The following NXPH2 variants were observed in gnomAD, a reference collection of about 807,000 sequenced individuals.
NXPH2 encodes the protein neurexophilin-2.
In NXPH2, 5 loss-of-function variants were observed where a neutral mutation model predicts 19.8. The ratio of observed to expected loss-of-function variants is 0.25; its 90% CI spans 0.13 to 0.53. The LOEUF is 0.53. Ranked by LOEUF, NXPH2 falls within the 20% of genes least tolerant of loss-of-function variation. NXPH2 has a pLI of 0.96. For synonymous variants in NXPH2, 154 were observed against 127.4 expected (o/e 1.21, Z -1.41); for missense variants, 289 against 322.8 (o/e 0.90, Z 0.80).
intron 1 of NXPH2, among the ~76,000 whole-genome samples, chr2:138,710,929 C>G (rs1011202319): frequency 1.3e-5 from 2 of 152,118 alleles, no homozygotes; most frequent in African/African-American, 4.8e-5. Context: ...GGCCACTCAG[C>G]ATCTGTGCTA....
At chr2:138,751,035 C>A (rs1236712513) in intron 1 of NXPH2, among the ~76,000 whole-genome samples, 1 of 150,190 alleles carries the variant, frequency 6.7e-6, no homozygotes, top group African/African-American at 2.5e-5. Context: ...CCCACCCCCA[C>A]CCCCATCTCT....
At chr2:138,689,736 C>T (rs867637813) in intron 1 of NXPH2, among the ~76,000 whole-genome samples, 6 of 152,144 alleles carry the variant, frequency 3.9e-5, no homozygotes, top group Non-Finnish European at 5.9e-5. Flanking sequence ...AGCGGAATAG[C>T]CCCAGTGTGT....
chr2:138,743,605 T>A (rs1204404854), intron 1 of NXPH2, among the ~76,000 whole-genome samples: 1 of 152,152 alleles, frequency 6.6e-6, no homozygotes, highest in East Asian at 1.9e-4. Context: ...TAGATAGCAG[T>A]GATGATGACA....
At chr2:138,733,695 A>G (rs997692773) in intron 1 of NXPH2, among the ~76,000 whole-genome samples, 1 of 152,214 alleles carries the variant, frequency 6.6e-6, no homozygotes, top group Non-Finnish European at 1.5e-5. Context: ...CGGCTGCATT[A>G]TAAGTACAGA....
At chr2:138,715,082 A>G (rs1348501612) in intron 1 of NXPH2, among the ~76,000 whole-genome samples, 1 of 152,170 alleles carries the variant, frequency 6.6e-6, no homozygotes, top group Non-Finnish European at 1.5e-5. Context: ...AACTCTAGGT[A>G]CTCTCATCCG....
intron 1 of NXPH2, among the ~76,000 whole-genome samples, chr2:138,738,024 G>A (rs767488666): frequency 3.4e-4 from 51 of 151,136 alleles, no homozygotes; most frequent in African/African-American, 9.0e-4. Flanking sequence ...CCATTAACTC[G>A]TCATTTAACA....
intron 1 of NXPH2, among the ~76,000 whole-genome samples, chr2:138,754,421 T>C (rs1200020392): frequency 1.3e-5 from 2 of 152,208 alleles, no homozygotes; most frequent in Non-Finnish European, 2.9e-5. Context: ...GAATGTCACA[T>C]AATTGGAATT....
At chr2:138,734,510 A>G (rs1017013980) in intron 1 of NXPH2, among the ~76,000 whole-genome samples, 4 of 152,212 alleles carry the variant, frequency 2.6e-5, no homozygotes, top group African/African-American at 9.6e-5. Flanking sequence ...AGCCAGGGAA[A>G]GCTTTAAGGA....
chr2:138,702,383 G>T (rs867381565), intron 1 of NXPH2, among the ~76,000 whole-genome samples: 1 of 152,168 alleles, frequency 6.6e-6, no homozygotes, highest in Non-Finnish European at 1.5e-5. Flanking sequence ...GCTTCCCAAA[G>T]TGCTGGGATT....
intron 1 of NXPH2, among the ~76,000 whole-genome samples, chr2:138,771,729 T>C (rs566869195): frequency 6.6e-6 from 1 of 152,204 alleles, no homozygotes; most frequent in African/African-American, 2.4e-5. Context: ...CAGTTATATC[T>C]GGGAGCTGTC....
chr2:138,678,300 C>G (rs1005135017), intron 1 of NXPH2, among the ~76,000 whole-genome samples: 7 of 152,168 alleles, frequency 4.6e-5, no homozygotes, highest in African/African-American at 1.7e-4. Context: ...ATCACTCCCT[C>G]TCAAGGGTAA....
chr2:138,715,321 T>A (rs1681176753), intron 1 of NXPH2, among the ~76,000 whole-genome samples: 1 of 152,230 alleles, frequency 6.6e-6, no homozygotes, highest in Non-Finnish European at 1.5e-5. Context: ...GTCCAGTTAT[T>A]TAGAGTAGAG....
At chr2:138,702,526 C>T (rs1421446100) in intron 1 of NXPH2, among the ~76,000 whole-genome samples, 4 of 152,182 alleles carry the variant, frequency 2.6e-5, no homozygotes, top group African/African-American at 9.7e-5. Flanking sequence ...CCCTACCCAA[C>T]CACTATCAGA....
chr2:138,742,621 C>CA (rs1363168480), intron 1 of NXPH2, among the ~76,000 whole-genome samples: 2 of 152,166 alleles, frequency 1.3e-5, no homozygotes, highest in Admixed American at 6.5e-5. Flanking sequence ...AGGACACCAG[C>CA]AGGGCAAATG....
chr2:138,762,424 T>A (rs887007161), intron 1 of NXPH2, among the ~76,000 whole-genome samples: 1 of 152,206 alleles, frequency 6.6e-6, no homozygotes, highest in Non-Finnish European at 1.5e-5. Context: ...ACTGCAGGCA[T>A]TTCATTTAAT....
chr2:138,718,172 T>C (rs943543849), intron 1 of NXPH2, among the ~76,000 whole-genome samples: 1 of 151,922 alleles, frequency 6.6e-6, no homozygotes, highest in Admixed American at 6.6e-5. Context: ...TTAAGAAAAA[T>C]TAGATCACTC....
At position 138,670,775 on chromosome 2, in the gene NXPH2, T is replaced by C; in HGVS notation, c.*147A>G. ...ATTTCACACTTAAAGATGTCTCTTT[T>C]TCTTTTTTTAAATTTGAAAACCTGA... On this transcript the variant is annotated 3_prime_UTR_variant, in exon 2 of 2. Transcript: ENST00000272641. 1 of 806,360 alleles carries C rather than the reference T, an allele frequency of 1.2e-6. No individual in the cohort carries two copies. Among genetic ancestry groups the C allele is most frequent in the Non-Finnish European group, 1.8e-6 (1 of 549,050 alleles). The allele number at this position is 806,360 out of a possible 1,614,324, so 50.0% of individuals were successfully genotyped here.
chr2:138,780,161 T>C (rs746877735), intron 1 of NXPH2, 30 bp downstream of exon 1: 195 of 1,474,060 alleles, frequency 1.3e-4, no homozygotes, highest in Middle Eastern at 1.7e-4. Flanking sequence ...GTCCCCGGCG[T>C]GTGGGACGGC....
intron 1 of NXPH2, among the ~76,000 whole-genome samples, chr2:138,756,198 T>C (rs2104836206): frequency 6.6e-6 from 1 of 152,214 alleles, no homozygotes. Context: ...CACCATTGAT[T>C]TTGTTTTCTT....
Sources: allele counts gnomAD v4.1 joint callset (sites outside exome capture counted in the v4.1 genomes callset), GRCh38; gene constraint gnomAD v4.1.1; transcripts MANE v1.5; gene names NCBI Gene and HGNC (gene_info 2026-07-23, HGNC 2026-07-21).